The following DAB1 variants were observed in gnomAD, a reference collection of about 807,000 sequenced individuals.
The protein encoded by DAB1 is DAB adaptor protein 1.
In DAB1, 15 loss-of-function variants were observed where a neutral mutation model predicts 64.6. The ratio of observed to expected loss-of-function variants is 0.23; its 90% CI spans 0.16 to 0.36. The LOEUF (loss-of-function observed/expected upper bound fraction) is 0.36, where lower values mean the gene tolerates loss of function less well. Ranked by LOEUF, DAB1 falls within the 10% of genes least tolerant of loss-of-function variation. The pLI, the probability that DAB1 is intolerant of heterozygous loss-of-function variation, is 1.00. For missense variants in DAB1, 596 were observed against 706.7 expected (o/e 0.84, Z 1.78); for synonymous variants, 235 against 251.9 (o/e 0.93, Z 0.64).
rs74465514 is a variant in DAB1 at position 57,438,902 on chromosome 1, T to A, written n.626-147736A>T. 5.4e-4 allele frequency among the ~76,000 whole-genome samples: 82 copies of A among 152,270 alleles called. No homozygotes were observed. The East Asian group carries it at 0.014, about 27-fold the overall frequency. ...AGCATTCATCCTACTCATCTCTACC[T>A]CATTTCCTCCTTCCTGAAAAATCTC... On this transcript the variant is annotated intron_variant and non_coding_transcript_variant, in intron 7 of 20. Coordinates refer to the DAB1 transcript ENST00000485760.
rs1034407187 is a variant in DAB1, at chr1:57,334,461, A to G, written c.-136-43295T>C. Among the ~76,000 whole-genome samples, 29 of 152,206 alleles carry G rather than the reference A, an allele frequency of 1.9e-4. 1 individual carries two copies. The highest frequency in any genetic ancestry group is 1.5e-3 in the Admixed American group (23 of 15,290). ...AGTGGCAGTGAGGATTCCTGATATA[A>G]CGTCTTACAGGCAGTGAGCACTTAA... is the stretch of plus-strand genomic sequence containing the variant. On this transcript the variant is annotated intron_variant, in intron 1 of 14. Coordinates refer to ENST00000371236, the MANE Select transcript of DAB1 (RefSeq NM_001365792.1).
At chr1:57,444,797 T>C (rs941752574) in intron 7 of DAB1, among the ~76,000 whole-genome samples, 1 of 152,176 alleles carries the variant, frequency 6.6e-6, no homozygotes, top group Non-Finnish European at 1.5e-5. Context: ...AGCATAGGGA[T>C]GTCAGCCCCT....
intron 5 of DAB1, among the ~76,000 whole-genome samples, chr1:58,073,158 C>T (rs778924065): frequency 6.6e-6 from 1 of 152,164 alleles, no homozygotes; most frequent in African/African-American, 2.4e-5. Context: ...GTCAAGAGTC[C>T]ATGTTCTTGA....
At chr1:57,358,923 A>G (rs1194584034) in intron 1 of DAB1, among the ~76,000 whole-genome samples, 1 of 152,020 alleles carries the variant, frequency 6.6e-6, no homozygotes, top group Admixed American at 6.6e-5. Context: ...GCAGAAAAAT[A>G]AAATTTACTT....
At chr1:57,056,469 C>T (rs556474845) in intron 9 of DAB1, among the ~76,000 whole-genome samples, 114 of 140,222 alleles carry the variant, frequency 8.1e-4, no homozygotes, top group African/African-American at 2.9e-3. Context: ...TGCAACACTG[C>T]ACTTCAGCCT....
intron 6 of DAB1, among the ~76,000 whole-genome samples, chr1:57,713,399 C>T (rs1252188851): frequency 6.6e-6 from 1 of 152,128 alleles, no homozygotes; most frequent in Admixed American, 6.6e-5. Context: ...ATGAGCAAGT[C>T]ATGATTTGGC....
At chr1:57,159,856 C>CAAAAAAAAAA (rs398049302) in intron 2 of DAB1, among the ~76,000 whole-genome samples, 1,443 of 86,232 alleles carry the variant, frequency 0.017, 20 homozygotes, top group Non-Finnish European at 0.024. Context: ...AGCAGCAAGA[C>CAAAAAAAAAA]AAAAAAAAAA....
chr1:57,752,307 C>T (rs976015755), intron 6 of DAB1, among the ~76,000 whole-genome samples: 1 of 152,156 alleles, frequency 6.6e-6, no homozygotes, highest in African/African-American at 2.4e-5. Flanking sequence ...TTACATTTTT[C>T]AACCCATATA....
chr1:58,086,616 TCCTC>T (rs1650330732), intron 5 of DAB1, among the ~76,000 whole-genome samples: 1 of 151,568 alleles, frequency 6.6e-6, no homozygotes, highest in African/African-American at 2.4e-5. Context: ...ACCTCTCCAG[TCCTC>T]CCTCTGGCCA....
At chr1:57,562,604 G>C (rs1016906348) in intron 7 of DAB1, among the ~76,000 whole-genome samples, 5 of 152,178 alleles carry the variant, frequency 3.3e-5, no homozygotes, top group African/African-American at 1.2e-4. Flanking sequence ...ATATGGTACT[G>C]TGTCTCCCAC....
At chr1:57,873,096 A>G (rs1643981310) in intron 1 of DAB1, among the ~76,000 whole-genome samples, 2 of 152,096 alleles carry the variant, frequency 1.3e-5, no homozygotes, top group Non-Finnish European at 2.9e-5. Context: ...AAGTAAAGGA[A>G]TCTAAGGCCA....
chr1:57,430,410 C>T (rs1570510370), intron 7 of DAB1, among the ~76,000 whole-genome samples: 1 of 146,930 alleles, frequency 6.8e-6, no homozygotes, highest in Middle Eastern at 3.8e-3. Context: ...GAGTCTTGCT[C>T]TGTCGCCCAG....
At chr1:57,493,692 A>G (rs1644193585) in intron 7 of DAB1, among the ~76,000 whole-genome samples, 1 of 151,966 alleles carries the variant, frequency 6.6e-6, no homozygotes, top group South Asian at 2.1e-4. Flanking sequence ...AGAAGTATTC[A>G]GTGGAAGGAA....
intron 5 of DAB1, among the ~76,000 whole-genome samples, chr1:57,949,736 A>G (rs1192129702): frequency 6.6e-6 from 1 of 152,102 alleles, no homozygotes; most frequent in Non-Finnish European, 1.5e-5. Context: ...GCCATAATTC[A>G]TTTATTTTCA....
At chr1:57,229,279 G>A (rs550666135) in intron 2 of DAB1, among the ~76,000 whole-genome samples, 83 of 149,430 alleles carry the variant, frequency 5.6e-4, no homozygotes, top group African/African-American at 1.9e-3. Flanking sequence ...CTGCAACCTC[G>A]ACCTCCCAGG....
chr1:57,338,627 T>C (rs1348734490), intron 1 of DAB1, among the ~76,000 whole-genome samples: 2 of 152,212 alleles, frequency 1.3e-5, no homozygotes, highest in Non-Finnish European at 2.9e-5. Flanking sequence ...AAAACCCATA[T>C]GTAGTATCTA....
At chr1:57,888,685 T>C (rs1569926017), upstream of DAB1, among the ~76,000 whole-genome samples, 1 of 152,212 alleles carries the variant, frequency 6.6e-6, no homozygotes, top group Admixed American at 6.5e-5. Flanking sequence ...TTTCTTACTT[T>C]AATTGTTCAA....
chr1:57,400,923 A>G (rs1461753199), intron 1 of DAB1, among the ~76,000 whole-genome samples: 2 of 151,904 alleles, frequency 1.3e-5, no homozygotes, highest in African/African-American at 4.8e-5. Context: ...CTTGCTTTGC[A>G]GACCAGCTTT....
intron 2 of DAB1, among the ~76,000 whole-genome samples, chr1:57,240,041 G>A (rs1668388156): frequency 6.6e-6 from 1 of 152,154 alleles, no homozygotes; most frequent in African/African-American, 2.4e-5. Context: ...AGGGCACAAT[G>A]CAATCCTCCA....
Sources: gnomAD v4.1 joint callset for allele counts (sites outside exome capture counted in the v4.1 genomes callset) on GRCh38, gnomAD v4.1.1 for gene constraint, MANE v1.5 for transcripts, NCBI Gene and HGNC (gene_info 2026-07-23, HGNC 2026-07-21) for gene names.